Variants in PRKG1 observed in about 807,000 individuals in gnomAD.
The protein encoded by PRKG1 is protein kinase cGMP-dependent 1, also known as cGMP-dependent protein kinase 1.
In PRKG1, 35 loss-of-function variants were observed where a neutral mutation model predicts 88.1. The observed-to-expected ratio is 0.40, with a 90% CI of 0.30 to 0.53. PRKG1 has a LOEUF of 0.53. PRKG1 is among the 20% of genes least tolerant of loss of function. The pLI is 0.59. For synonymous variants in PRKG1, 303 were observed against 292.5 expected (o/e 1.04, Z -0.37); for missense variants, 540 against 839.8 (o/e 0.64, Z 4.41).
At chr10:51,102,123 C>T (rs972401076) in intron 1 of PRKG1, among the ~76,000 whole-genome samples, 1 of 152,088 alleles carries the variant, frequency 6.6e-6, no homozygotes, top group East Asian at 1.9e-4. Flanking sequence ...TAGCACACCT[C>T]GTGTAGTAGA....
intron 5 of PRKG1, among the ~76,000 whole-genome samples, chr10:51,984,429 C>T (rs1192885536): frequency 3.9e-5 from 6 of 152,052 alleles, no homozygotes; most frequent in Non-Finnish European, 1.5e-5. Context: ...AGATTCACAT[C>T]GTTTTAAATT....
At chr10:52,084,808 C>A (rs903421334) in intron 7 of PRKG1, among the ~76,000 whole-genome samples, 3 of 151,890 alleles carry the variant, frequency 2.0e-5, no homozygotes, top group African/African-American at 7.3e-5. Context: ...CTTTATGACA[C>A]CTTTTTTGTC....
intron 2 of PRKG1, among the ~76,000 whole-genome samples, chr10:51,405,147 A>G (rs1212881342): frequency 6.6e-6 from 1 of 152,176 alleles, no homozygotes; most frequent in Non-Finnish European, 1.5e-5. Flanking sequence ...TTTTTGTGCC[A>G]CTCATCCATC....
At chr10:51,005,961 T>C (rs1842936516) in intron 1 of PRKG1, among the ~76,000 whole-genome samples, 1 of 152,180 alleles carries the variant, frequency 6.6e-6, no homozygotes, top group Non-Finnish European at 1.5e-5. Context: ...TGTAGAGATA[T>C]GGGTTAGGGG....
chr10:51,660,292 C>G (rs936821087), intron 3 of PRKG1, among the ~76,000 whole-genome samples: 2 of 151,896 alleles, frequency 1.3e-5, no homozygotes, highest in African/African-American at 4.8e-5. Flanking sequence ...ACCGGCAGCA[C>G]CGCCACCTTC....
intron 2 of PRKG1, among the ~76,000 whole-genome samples, chr10:51,386,295 G>T (rs769550299): frequency 8.6e-5 from 13 of 151,992 alleles, no homozygotes; most frequent in African/African-American, 2.4e-4. Flanking sequence ...TATTACTCAG[G>T]GTTCTTTAAA....
chr10:51,790,305 T>C (rs1477338429), intron 3 of PRKG1, among the ~76,000 whole-genome samples: 1 of 152,156 alleles, frequency 6.6e-6, no homozygotes, highest in Non-Finnish European at 1.5e-5. Flanking sequence ...TTAGTGCTAA[T>C]TTGTTCTCTG....
intron 5 of PRKG1, among the ~76,000 whole-genome samples, chr10:51,969,838 C>T (rs925660774): frequency 6.6e-6 from 1 of 151,830 alleles, no homozygotes; most frequent in Non-Finnish European, 1.5e-5. Context: ...AGCACCATTT[C>T]TTTTTTCTTA....
chr10:51,425,644 G>A (rs1838556275), intron 2 of PRKG1, among the ~76,000 whole-genome samples: 1 of 152,178 alleles, frequency 6.6e-6, no homozygotes, highest in Admixed American at 6.5e-5. Context: ...CTGGGAAGCA[G>A]CTGTAAATGA....
At chr10:51,707,319 G>A (rs956838482) in intron 3 of PRKG1, among the ~76,000 whole-genome samples, 2 of 150,828 alleles carry the variant, frequency 1.3e-5, no homozygotes, top group South Asian at 2.1e-4. Context: ...ACACCACATC[G>A]TTCTGCCACA....
intron 1 of PRKG1, among the ~76,000 whole-genome samples, chr10:51,140,428 A>G (rs540794408): frequency 6.6e-6 from 1 of 152,320 alleles, no homozygotes; most frequent in East Asian, 1.9e-4. Context: ...TGTAAGGATC[A>G]GGCTGAGCAG....
chr10:51,971,578 T>C (rs553183552), intron 5 of PRKG1, among the ~76,000 whole-genome samples: 1 of 152,204 alleles, frequency 6.6e-6, no homozygotes, highest in Non-Finnish European at 1.5e-5. Context: ...AAGAGTTTTA[T>C]TCACTGTCTT....
chr10:52,202,971 T>C (rs1839717064), intron 9 of PRKG1, among the ~76,000 whole-genome samples: 1 of 152,114 alleles, frequency 6.6e-6, no homozygotes, highest in South Asian at 2.1e-4. Flanking sequence ...AACTAACTTC[T>C]GGTTTTATTG....
intron 3 of PRKG1, among the ~76,000 whole-genome samples, chr10:51,627,526 G>A (rs1839368099): frequency 6.6e-6 from 1 of 152,206 alleles, no homozygotes; most frequent in Middle Eastern, 3.4e-3. Context: ...ATAGATGTAT[G>A]CTTCTTGTTA....
At chr10:51,065,672 T>G (rs10740127) in intron 1 of PRKG1, among the ~76,000 whole-genome samples, 1 of 152,012 alleles carries the variant, frequency 6.6e-6, no homozygotes, top group Non-Finnish European at 1.5e-5. Context: ...TGTTTTGCAT[T>G]TTAAATAAAT....
chr10:51,607,911 T>C (rs1838809085), intron 3 of PRKG1, among the ~76,000 whole-genome samples: 1 of 152,206 alleles, frequency 6.6e-6, no homozygotes, highest in South Asian at 2.1e-4. Context: ...GTACTGAGGG[T>C]ATTTAGCTGT....
chr10:51,229,926 C>CAAAAAAAAAAAAAAAAAAAAAAAAAAAA (rs35300789), intron 2 of PRKG1, among the ~76,000 whole-genome samples: 2 of 33,588 alleles, frequency 6.0e-5, no homozygotes, highest in Admixed American at 3.5e-4. Context: ...GAGGCGATCT[C>CAAAAAAAAAAAAAAAAAAAAAAAAAAAA]AAAAAAAAAA....
At chr10:51,627,282 C>T (rs1342706233) in intron 3 of PRKG1, among the ~76,000 whole-genome samples, 1 of 151,924 alleles carries the variant, frequency 6.6e-6, no homozygotes, top group Non-Finnish European at 1.5e-5. Context: ...GAATGGGATA[C>T]ATGGAAAAAA....
At chr10:51,378,240 G>A (rs1023657100) in intron 2 of PRKG1, among the ~76,000 whole-genome samples, 7 of 152,204 alleles carry the variant, frequency 4.6e-5, no homozygotes, top group Non-Finnish European at 1.0e-4. Flanking sequence ...TTGAGACAGT[G>A]GGGAATCCAT....
Sources: allele counts gnomAD v4.1 joint callset (sites outside exome capture counted in the v4.1 genomes callset), GRCh38; gene constraint gnomAD v4.1.1; transcripts MANE v1.5; gene names NCBI Gene and HGNC (gene_info 2026-07-23, HGNC 2026-07-21).